TLL1: variants seen among roughly 807,000 people sequenced by gnomAD.
The protein encoded by TLL1 is tolloid like 1.
A neutral mutation model predicts 128.2 loss-of-function variants in TLL1; 49 were observed. The ratio of observed to expected loss-of-function variants is 0.38; its 90% CI spans 0.30 to 0.48. TLL1 has a LOEUF of 0.48. Ranked by LOEUF, TLL1 falls within the 20% of genes least tolerant of loss-of-function variation. TLL1 has a pLI of 0.96. For synonymous variants in TLL1, 454 were observed against 418.8 expected (o/e 1.08, Z -1.03); for missense variants, 1,123 against 1,242.0 (o/e 0.90, Z 1.44).
chr4:166,050,657 G>A (rs9992151), intron 12 of TLL1, among the ~76,000 whole-genome samples: 45,563 of 152,046 alleles, frequency 0.3, 7,715 homozygotes, highest in African/African-American at 0.45. Flanking sequence ...AAGCATGTGA[G>A]TGTGTCCCAA....
At chr4:166,072,755 C>G (rs1328253103) in intron 16 of TLL1, among the ~76,000 whole-genome samples, 3 of 151,988 alleles carry the variant, frequency 2.0e-5, no homozygotes, top group Admixed American at 1.3e-4. Flanking sequence ...TTGAATAACA[C>G]TTGTGTTCAC....
chr4:166,007,306 A>G (rs999465587), intron 6 of TLL1, among the ~76,000 whole-genome samples: 1 of 151,782 alleles, frequency 6.6e-6, no homozygotes, highest in African/African-American at 2.4e-5. Flanking sequence ...AGATGTGGAA[A>G]TTTGGAAAAG....
chr4:166,100,262 A>T (rs1742229188), intron 20 of TLL1, among the ~76,000 whole-genome samples: 2 of 152,132 alleles, frequency 1.3e-5, no homozygotes, highest in Admixed American at 6.6e-5. Flanking sequence ...CCCAAATGAC[A>T]ACTGAAATAT....
Position 166,099,343 on chromosome 4 carries a change from A to G in TLL1, c.2723A>G (p.Asp908Gly). ...RDLYSHAQFGDNNYPGQVDCE... is the reference protein window; with the variant it reads ...RDLYSHAQFGGNNYPGQVDCE... ...CTGTACTCACATGCTCAGTTTGGTG[A>G]TAACAACTACCCAGGACAGGTTGAC... is the stretch of plus-strand genomic sequence containing the variant. The change falls in exon 20 of 21, where the codon GAT becomes GGT. Residue 908 changes from aspartate to glycine, a missense_variant. Asp to Gly is a moderately conservative substitution (Grantham distance 94, BLOSUM62 -1). This residue lies in a region of TLL1 where 634 missense variants were observed against 672.4 expected (regional missense o/e 0.94). Coordinates refer to ENST00000061240, the MANE Select transcript of TLL1 (RefSeq NM_012464.5). 1.9e-6 allele frequency: 3 copies of G among 1,613,628 alleles called. No individual in the cohort carries two copies. Among genetic ancestry groups the G allele is most frequent in the Non-Finnish European group, 2.5e-6 (3 of 1,179,676 alleles).
At chr4:166,096,041 A>G (rs956622533) in intron 19 of TLL1, among the ~76,000 whole-genome samples, 1 of 152,156 alleles carries the variant, frequency 6.6e-6, no homozygotes, top group Non-Finnish European at 1.5e-5. Flanking sequence ...AACACTCAGA[A>G]GCAATTGCCC....
In TLL1 at chr4:166,091,249, A is replaced by T. The variant is rs774395898; in HGVS notation, c.2564A>T (p.Asp855Val). Reference protein sequence around the residue: ...LGRLCGNKIPDPLVATGNKMF... With the variant: ...LGRLCGNKIPVPLVATGNKMF... ...CGACTGTGTGGCAACAAGATACCAG[A>T]TCCCCTTGTGGCTACTGGAAATAAA... Residue 855 changes from aspartate (D) to valine (V), a missense_variant, in exon 19 of 21, where the codon GAT (aspartate) becomes GTT (valine). Physicochemically the swap from Asp to Val is radical, Grantham distance 152. This residue lies in a region of TLL1 where 634 missense variants were observed against 672.4 expected (regional missense o/e 0.94). Coordinates refer to ENST00000061240, the MANE Select transcript of TLL1 (RefSeq NM_012464.5). 6.2e-7 allele frequency: 1 copy of T among 1,613,282 alleles called. No homozygotes were observed. The highest frequency in any genetic ancestry group is 2.2e-5 in the East Asian group (1 of 44,736).
At chr4:166,047,321 T>C (rs554342529) in intron 12 of TLL1, among the ~76,000 whole-genome samples, 3 of 151,570 alleles carry the variant, frequency 2.0e-5, no homozygotes, top group Admixed American at 1.3e-4. Context: ...TGTGCCACTG[T>C]GCCTGGCTAA....
intron 1 of TLL1, among the ~76,000 whole-genome samples, chr4:165,893,303 T>C (rs1470196219): frequency 6.6e-6 from 1 of 152,158 alleles, no homozygotes; most frequent in African/African-American, 2.4e-5. Context: ...GCAATAGTTC[T>C]CAAGACACTG....
At chr4:166,050,038 T>C (rs1739637623) in intron 12 of TLL1, among the ~76,000 whole-genome samples, 1 of 152,188 alleles carries the variant, frequency 6.6e-6, no homozygotes, top group Non-Finnish European at 1.5e-5. Context: ...ATGAGAGCTA[T>C]ATTTGATTAA....
chr4:166,070,371 T>A (rs1435508024), intron 16 of TLL1, among the ~76,000 whole-genome samples: 1 of 151,998 alleles, frequency 6.6e-6, no homozygotes, highest in Non-Finnish European at 1.5e-5. Flanking sequence ...TGACATATTT[T>A]AAATTTTTAA....
chr4:166,100,705 G>A (rs771556293), intron 20 of TLL1, 37 bp from the exon 21 acceptor site: 3 of 1,611,410 alleles, frequency 1.9e-6, no homozygotes, highest in Admixed American at 1.7e-5. Flanking sequence ...TCGTTTTATT[G>A]CTTGTTTACT....
chr4:166,058,987 C>T (rs1740157918), intron 14 of TLL1, among the ~76,000 whole-genome samples: 1 of 152,104 alleles, frequency 6.6e-6, no homozygotes, highest in South Asian at 2.1e-4. Flanking sequence ...TATTAACCTA[C>T]TAATCTTCCC....
chr4:166,030,646 T>C (rs2111078216), intron 9 of TLL1: 2 of 791,962 alleles, frequency 2.5e-6, no homozygotes, highest in African/African-American at 1.8e-5. Context: ...TACAGTCTTA[T>C]ATGTAGGTTT....
At chr4:166,082,669 T>C (rs1741338080) in intron 18 of TLL1, among the ~76,000 whole-genome samples, 1 of 151,974 alleles carries the variant, frequency 6.6e-6, no homozygotes, top group Admixed American at 6.6e-5. Flanking sequence ...ACTTTTTTGT[T>C]TTTGTTTTGT....
At chr4:166,074,498 G>A (rs115341083) in intron 16 of TLL1, among the ~76,000 whole-genome samples, 1,681 of 151,716 alleles carry the variant, frequency 0.011, 28 homozygotes, top group African/African-American at 0.038. Flanking sequence ...ATTTCTTGCC[G>A]CTATTCAAAC....
chr4:165,918,915 G>T (rs114478578), intron 1 of TLL1, among the ~76,000 whole-genome samples: 1 of 152,226 alleles, frequency 6.6e-6, no homozygotes, highest in Non-Finnish European at 1.5e-5. Flanking sequence ...TAGTCAAACT[G>T]CTCTGTAAAT....
Position 165,989,482 on chromosome 4 carries a change from C to T in TLL1, c.271C>T (p.His91Tyr). The change falls in exon 2 of 21, where the codon CAT becomes TAT. Residue 91 changes from histidine (H) to tyrosine (Y), a missense_variant. His to Tyr is a moderately conservative substitution (Grantham distance 83). Around this residue, in one of 3 missense-constraint regions of TLL1, gnomAD observed 480 missense variants for 542.4 expected, o/e 0.89. Transcript: ENST00000061240. ...LTQNPFGNLG[H>Y]TTGGLGDHAM... ...GCAGAACCCCTTTGGAAACCTTGGA[C>T]ATACCACAGGTATGGTTGATTGTTT... The T allele has an allele frequency of 6.2e-7, 1 of 1,609,002 alleles. No homozygotes were observed. Among genetic ancestry groups the T allele is most frequent in the Non-Finnish European group, 8.5e-7 (1 of 1,175,890 alleles).
At chr4:166,077,499 C>T (rs1425166107) in intron 17 of TLL1, among the ~76,000 whole-genome samples, 1 of 152,052 alleles carries the variant, frequency 6.6e-6, no homozygotes, top group Non-Finnish European at 1.5e-5. Context: ...ATGATGTTTC[C>T]TTTATAGGAA....
At chr4:166,038,029 T>G (rs1400791708) in intron 9 of TLL1, among the ~76,000 whole-genome samples, 3 of 152,134 alleles carry the variant, frequency 2.0e-5, no homozygotes, top group African/African-American at 7.2e-5. Flanking sequence ...AGTTATCCTG[T>G]GTCATTTGGG....
Sources: allele counts gnomAD v4.1 joint callset (sites outside exome capture counted in the v4.1 genomes callset), GRCh38; gene constraint gnomAD v4.1.1; regional missense constraint gnomAD v4.1.1; transcripts MANE v1.5; gene names NCBI Gene and HGNC (gene_info 2026-07-23, HGNC 2026-07-21).